DNAJC15: variants seen among roughly 807,000 people sequenced by gnomAD.
DNAJC15 encodes the protein dnaJ homolog subfamily C member 15.
Under a neutral mutation model 22.4 loss-of-function variants are expected in DNAJC15, and 27 were observed. The observed-to-expected ratio is 1.20, with a 90% CI of 0.89 to 1.66. The LOEUF is 1.66. Among genes scored for constraint, DNAJC15 ranks in the 40% most tolerant of loss-of-function variants. DNAJC15 has a pLI of 0.00. For missense variants in DNAJC15, 208 were observed against 187.1 expected, an observed-to-expected ratio of 1.11 and a Z score of -0.65; for synonymous variants, 79 against 63.2, an observed-to-expected ratio of 1.25 and a Z score of -1.19.
At chr13:43,062,908 G>A (rs768870885) in intron 1 of DNAJC15, among the ~76,000 whole-genome samples, 18 of 152,042 alleles carry the variant, frequency 1.2e-4, no homozygotes, top group Non-Finnish European at 2.5e-4. Context: ...TAGTAGATAC[G>A]GGGTTTCACC....
chr13:43,096,084 G>A (rs1418159294), intron 5 of DNAJC15, among the ~76,000 whole-genome samples: 1 of 152,014 alleles, frequency 6.6e-6, no homozygotes, highest in African/African-American at 2.4e-5. Flanking sequence ...TTTGTCAGTG[G>A]AAATGATCGA....
At chr13:43,070,941 G>T (rs2040606061) in intron 3 of DNAJC15, among the ~76,000 whole-genome samples, 1 of 152,118 alleles carries the variant, frequency 6.6e-6, no homozygotes. Flanking sequence ...ATAGATGATG[G>T]TGGCTTGAAA....
intron 1 of DNAJC15, among the ~76,000 whole-genome samples, chr13:43,059,531 A>G: frequency 6.6e-6 from 1 of 152,142 alleles, no homozygotes; most frequent in Non-Finnish European, 1.5e-5. Context: ...TGCCTGGCTA[A>G]TTTTGTACTT....
rs1169694379 is a variant in DNAJC15 at position 43,050,523 on chromosome 13, A to G, written c.109-15163A>G. Among the ~76,000 whole-genome samples the G allele has an allele frequency of 4.6e-5, 7 of 152,140 alleles. No homozygotes were observed. The East Asian group carries it at 1.4e-3, about 29-fold the overall frequency. ...CCGAGGCTGGTCTCACTCCTGGGCT[A>G]AATCAGTTCTCCCATCTCAGCCTCC... On this transcript the variant is annotated intron_variant, in intron 1 of 5. Transcript: ENST00000379221.
At chr13:43,089,193 G>C (rs532731278) in intron 5 of DNAJC15, among the ~76,000 whole-genome samples, 27 of 152,274 alleles carry the variant, frequency 1.8e-4, no homozygotes, top group African/African-American at 6.3e-4. Flanking sequence ...TCTTAGATTA[G>C]ATTGATAGGA....
At chr13:43,052,067 C>T (rs1011293632) in intron 1 of DNAJC15, among the ~76,000 whole-genome samples, 4 of 151,908 alleles carry the variant, frequency 2.6e-5, no homozygotes, top group Admixed American at 6.6e-5. Flanking sequence ...TTGGTTCAAG[C>T]GATTCTCCTG....
intron 1 of DNAJC15, among the ~76,000 whole-genome samples, chr13:43,062,946 T>C (rs760775322): frequency 4.6e-5 from 7 of 152,106 alleles, no homozygotes; most frequent in Non-Finnish European, 8.8e-5. Context: ...CGCAAACTCC[T>C]GACCTCAGGT....
At chr13:43,101,979 C>T (rs1309712875) in intron 5 of DNAJC15, among the ~76,000 whole-genome samples, 1 of 152,124 alleles carries the variant, frequency 6.6e-6, no homozygotes, top group African/African-American at 2.4e-5. Flanking sequence ...AATGGCAGGT[C>T]TTTTAGTTCT....
At chr13:43,041,174 A>G (rs1444841310) in intron 1 of DNAJC15, among the ~76,000 whole-genome samples, 3 of 152,200 alleles carry the variant, frequency 2.0e-5, no homozygotes, top group Non-Finnish European at 4.4e-5. Context: ...ACCTTGGACG[A>G]TACCTGGCTT....
chr13:43,057,597 A>G (rs183814335), intron 1 of DNAJC15, among the ~76,000 whole-genome samples: 153 of 152,124 alleles, frequency 1.0e-3, no homozygotes, highest in African/African-American at 3.5e-3. Flanking sequence ...TCTTTATCTG[A>G]CAATTTAGAG....
At position 43,098,996 on chromosome 13, in the gene DNAJC15, T is replaced by TTTAA. The variant is rs1471784883; in HGVS notation, c.383-8181_383-8178dup. On this transcript the variant is annotated intron_variant, in intron 5 of 5. Coordinates refer to ENST00000379221, the MANE Select transcript of DNAJC15 (RefSeq NM_013238.3). ...AAATTAGAATGGGGAATTTTGCCAT[T>TTTAA]TTAACAGTGTTAAGTCTTCTGATCC... 2.6e-5 allele frequency among the ~76,000 whole-genome samples: 4 copies of TTTAA among 152,180 alleles called. No individual in the cohort carries two copies. The East Asian group carries it at 7.7e-4, about 29-fold the overall frequency.
At chr13:43,080,429 T>C (rs60054851) in intron 4 of DNAJC15, among the ~76,000 whole-genome samples, 6,422 of 152,340 alleles carry the variant, frequency 0.042, 474 homozygotes, top group African/African-American at 0.15. Context: ...ATGGTGTTTA[T>C]GTACCACATT....
chr13:43,023,590 A>T lies in DNAJC15; in HGVS notation c.-37A>T, dbSNP rs371343382. 1.1e-4 allele frequency: 176 copies of T among 1,572,242 alleles called. No individual in the cohort carries two copies. The highest frequency in any genetic ancestry group is 1.7e-4 in the Middle Eastern group (1 of 5,856). ...TTGTCCCTACGGCCGCCTCGTAGTC[A>T]CTGCCGCGGCGCCTTGAGTCTCCGG... On this transcript the variant is annotated 5_prime_UTR_variant, in exon 1 of 6. Transcript: ENST00000379221.
chr13:43,065,380 C>A (rs1250293460), intron 1 of DNAJC15, among the ~76,000 whole-genome samples: 1 of 151,998 alleles, frequency 6.6e-6, no homozygotes, highest in Non-Finnish European at 1.5e-5. Context: ...ATATATTAAA[C>A]CCCCTATTAA....
intron 5 of DNAJC15, among the ~76,000 whole-genome samples, chr13:43,095,311 C>G (rs2040734378): frequency 6.6e-6 from 1 of 152,104 alleles, no homozygotes; most frequent in South Asian, 2.1e-4. Flanking sequence ...CCCTTGATTT[C>G]TGAGTCAAAA....
Position 43,086,488 on chromosome 13 carries a change from G to A in DNAJC15, c.382+650G>A, listed in dbSNP as rs537246738. ...GGGGGGTGGGGGAGGAAAGTGAAGG[G>A]TTTCTTGGATTCTTATTTACAGACT... On this transcript the variant is annotated intron_variant, in intron 5 of 5. Coordinates refer to ENST00000379221, the MANE Select transcript of DNAJC15 (RefSeq NM_013238.3). 2.6e-5 allele frequency among the ~76,000 whole-genome samples: 4 copies of A among 152,080 alleles called. No homozygotes were observed. In the East Asian group the frequency reaches 5.8e-4, roughly 22 times the overall value.
At chr13:43,089,781 G>A (rs2040705637) in intron 5 of DNAJC15, among the ~76,000 whole-genome samples, 1 of 152,154 alleles carries the variant, frequency 6.6e-6, no homozygotes. Context: ...CTTTTAAGAA[G>A]TCATTTTTCT....
At chr13:43,042,454 A>G (rs1268982908) in intron 1 of DNAJC15, among the ~76,000 whole-genome samples, 1 of 152,214 alleles carries the variant, frequency 6.6e-6, no homozygotes, top group East Asian at 1.9e-4. Context: ...ACAGGGATCA[A>G]TCATAACATC....
intron 1 of DNAJC15, among the ~76,000 whole-genome samples, chr13:43,064,780 G>T (rs1361286141): frequency 6.6e-6 from 1 of 152,112 alleles, no homozygotes; most frequent in African/African-American, 2.4e-5. Flanking sequence ...AGCAATGTAT[G>T]CATTCCAGCC....
Sources: allele counts gnomAD v4.1 joint callset (sites outside exome capture counted in the v4.1 genomes callset), GRCh38; gene constraint gnomAD v4.1.1; transcripts MANE v1.5; gene names NCBI Gene and HGNC (gene_info 2026-07-23, HGNC 2026-07-21).